The following YWHAE variants were observed in gnomAD, a reference collection of about 807,000 sequenced individuals.
The protein encoded by YWHAE is 14-3-3 protein epsilon.
In YWHAE, 4 loss-of-function variants were observed where a neutral mutation model predicts 30.1. The observed-to-expected ratio is 0.13, with a 90% confidence interval of 0.07 to 0.30. The LOEUF is 0.30. Among genes scored for constraint, YWHAE ranks in the 10% least tolerant of loss-of-function variants. YWHAE has a pLI of 1.00. For synonymous variants in YWHAE, 118 were observed against 111.8 expected (o/e 1.06, Z -0.35); for missense variants, 121 against 315.9 (o/e 0.38, Z 4.68).
chr17:1,358,383 G>A (rs2072794853), intron 4 of YWHAE, among the ~76,000 whole-genome samples: 1 of 152,106 alleles, frequency 6.6e-6, no homozygotes, highest in Non-Finnish European at 1.5e-5. Context: ...GGGACTACAG[G>A]CGCCCGCCAC....
At chr17:1,376,765 C>T (rs1262193741) in intron 1 of YWHAE, among the ~76,000 whole-genome samples, 1 of 152,140 alleles carries the variant, frequency 6.6e-6, no homozygotes, top group Non-Finnish European at 1.5e-5. Context: ...CTCCAACTAT[C>T]AGGCTGACAA....
intron 4 of YWHAE, among the ~76,000 whole-genome samples, chr17:1,358,794 T>C (rs1169031639): frequency 1.5e-5 from 2 of 137,072 alleles, no homozygotes; most frequent in East Asian, 2.2e-4. Flanking sequence ...CGCACCACTG[T>C]ACTCCAGCCT....
chr17:1,352,672 C>G (rs1385562614), intron 5 of YWHAE, among the ~76,000 whole-genome samples: 1 of 152,062 alleles, frequency 6.6e-6, no homozygotes, highest in Admixed American at 6.6e-5. Flanking sequence ...ACTACAGGAG[C>G]CCGCCACCAC....
chr17:1,347,918 C>A, intron 5 of YWHAE: 1 of 992,196 alleles, frequency 1.0e-6, no homozygotes. Context: ...TAGTGAAGAA[C>A]CAAAACTGAA....
At chr17:1,399,908 G>T in intron 1 of YWHAE, 139 bp downstream of exon 1, 1 of 1,013,656 alleles carries the variant, frequency 9.9e-7, no homozygotes, top group Non-Finnish European at 1.5e-6. Flanking sequence ...GGAGCTCCCA[G>T]GCCATTTCCT....
chr17:1,379,007 G>A (rs16945627), intron 1 of YWHAE, among the ~76,000 whole-genome samples: 2,283 of 151,246 alleles, frequency 0.015, 50 homozygotes, highest in African/African-American at 0.053. Context: ...AACATTCTCA[G>A]ATGGCTAACC....
At chr17:1,373,388 G>C (rs1452041846) in intron 1 of YWHAE, among the ~76,000 whole-genome samples, 1 of 151,602 alleles carries the variant, frequency 6.6e-6, no homozygotes, top group African/African-American at 2.4e-5. Context: ...TTTGAGGCCG[G>C]GCGAGGTGGA....
At chr17:1,362,973 T>C (rs540976465) in intron 2 of YWHAE, among the ~76,000 whole-genome samples, 1 of 152,110 alleles carries the variant, frequency 6.6e-6, no homozygotes, top group South Asian at 2.1e-4. Flanking sequence ...TTCTCAGTTT[T>C]TGTCATCAAT....
intron 4 of YWHAE, among the ~76,000 whole-genome samples, chr17:1,359,978 T>C (rs1359059325): frequency 7.6e-6 from 1 of 131,302 alleles, no homozygotes; most frequent in Non-Finnish European, 1.6e-5. Flanking sequence ...GAGAGAGAGA[T>C]TTGAAAAAAA....
Position 1,359,812 on chromosome 17 carries a change from T to TGTGTG in YWHAE, c.578+1279_578+1280insCACAC, listed in dbSNP as rs1555640505. On this transcript the variant is annotated intron_variant, in intron 4 of 5. Coordinates refer to ENST00000264335, the MANE Select transcript of YWHAE (RefSeq NM_006761.5). ...CAATGTATTCGGTGCCACTAAATTGTTGTGTGTGTGTGTGTGTGTGTGTGT... is the reference window on the plus strand; with the variant it reads ...CAATGTATTCGGTGCCACTAAATTGTGTGTGTGTGTGTGTGTGTGTGTGTGTGTGT... Among the ~76,000 whole-genome samples the TGTGTG allele has an allele frequency of 9.2e-5, 12 of 130,718 alleles. No individual in the cohort carries two copies. The South Asian group carries it at 2.2e-3, about 24-fold the overall frequency. The allele number at this position is 130,718 out of a possible 152,430, so 85.8% of individuals were successfully genotyped here.
rs151111235 is a variant in YWHAE at position 1,396,794 on chromosome 17, G to A, written c.64+3253C>T. Among the ~76,000 whole-genome samples the A allele has an allele frequency of 4.1e-3, 617 of 151,992 alleles. 1 individual carries two copies. The highest frequency in any genetic ancestry group is 0.014 in the African/African-American group (561 of 41,464). On this transcript the variant is annotated intron_variant, in intron 1 of 5. Coordinates refer to ENST00000264335, the MANE Select transcript of YWHAE (RefSeq NM_006761.5). Reference sequence around the variant, plus strand: ...GCACCCACCACCCCCGGCTAATTTTGTATTTTTACTACAGACGGGGTTTCT... The same window carrying A: ...GCACCCACCACCCCCGGCTAATTTTATATTTTTACTACAGACGGGGTTTCT...
chr17:1,369,769 A>G (rs955592951), intron 1 of YWHAE: 5 of 152,220 alleles, frequency 3.3e-5, no homozygotes, highest in Non-Finnish European at 7.4e-5. Flanking sequence ...GCAATAAAGC[A>G]AGTCACATGA....
At chr17:1,389,226 A>G (rs73287245) in intron 1 of YWHAE, among the ~76,000 whole-genome samples, 2,562 of 152,208 alleles carry the variant, frequency 0.017, 72 homozygotes, top group African/African-American at 0.058. Context: ...TCTGCCTTCC[A>G]AAGTATTGGA....
intron 1 of YWHAE, among the ~76,000 whole-genome samples, chr17:1,395,475 G>T (rs910716159): frequency 1.3e-5 from 2 of 152,168 alleles, no homozygotes; most frequent in Non-Finnish European, 2.9e-5. Context: ...GTTGCAGTGA[G>T]CCAAGACCAC....
intron 1 of YWHAE, among the ~76,000 whole-genome samples, chr17:1,369,119 T>A (rs762937685): frequency 5.9e-5 from 9 of 152,214 alleles, no homozygotes; most frequent in Admixed American, 1.3e-4. Flanking sequence ...ATGCACAGAC[T>A]GTGTGGTAAA....
intron 1 of YWHAE, among the ~76,000 whole-genome samples, chr17:1,382,141 C>T (rs1014119928): frequency 5.9e-5 from 9 of 151,528 alleles, no homozygotes; most frequent in African/African-American, 1.5e-4. Flanking sequence ...CTCCGCCTCC[C>T]GGGTTCACGC....
chr17:1,368,798 A>T (rs2072985494), intron 1 of YWHAE, among the ~76,000 whole-genome samples: 1 of 152,194 alleles, frequency 6.6e-6, no homozygotes, highest in Admixed American at 6.5e-5. Context: ...AAACTTTCTA[A>T]ACTGATCGCA....
chr17:1,388,385 A>G (rs1033624917), intron 1 of YWHAE, among the ~76,000 whole-genome samples: 9 of 151,704 alleles, frequency 5.9e-5, no homozygotes, highest in Admixed American at 3.9e-4. Flanking sequence ...GCGTGGTGGC[A>G]GGCGCCTGTA....
intron 1 of YWHAE, chr17:1,399,285 T>C (rs985050879): frequency 6.6e-6 from 1 of 150,544 alleles, no homozygotes; most frequent in Admixed American, 6.6e-5. Flanking sequence ...AGGGAGGGAG[T>C]GAGGATTTTC....
Sources: gnomAD v4.1 joint callset for allele counts (sites outside exome capture counted in the v4.1 genomes callset) on GRCh38, gnomAD v4.1.1 for gene constraint, MANE v1.5 for transcripts, NCBI Gene and HGNC (gene_info 2026-07-23, HGNC 2026-07-21) for gene names.